The following ZNF714 variants were observed in gnomAD, a reference collection of about 807,000 sequenced individuals.
ZNF714 encodes zinc finger protein 714.
ZNF714 carries 32 observed loss-of-function variants against 46.2 expected under a neutral mutation model. The ratio of observed to expected loss-of-function variants is 0.69; its 90% CI spans 0.52 to 0.93. The LOEUF (loss-of-function observed/expected upper bound fraction) is 0.93. Ranked by LOEUF, ZNF714 falls within the 40% of genes least tolerant of loss-of-function variation. The probability of loss-of-function intolerance (pLI) is 0.00; values close to 1 mark genes in which losing one functional copy is unlikely to be tolerated. For synonymous variants in ZNF714, 199 were observed against 213.1 expected (o/e 0.93, Z 0.58); for missense variants, 635 against 646.3 (o/e 0.98, Z 0.19).
At chr19:21,084,494 T>G (rs570103748) in intron 2 of ZNF714, among the ~76,000 whole-genome samples, 83 of 151,948 alleles carry the variant, frequency 5.5e-4, no homozygotes, top group African/African-American at 1.9e-3. Context: ...GAATGGGTGC[T>G]TCTTGAGCAC....
Position 21,117,049 on chromosome 19 carries a change from A to C in ZNF714, c.385A>C (p.Ile129Leu). The C allele has an allele frequency of 6.2e-7, 1 of 1,613,180 alleles. No individual in the cohort carries two copies. Among genetic ancestry groups the C allele is most frequent in the Non-Finnish European group, 8.5e-7 (1 of 1,179,524 alleles). ...CDKYIKVFHK[I>L]FNSNRHKTRH... ...TAAATATATAAAAGTCTTTCATAAAATTTTCAATTCAAATAGACACAAGAC... is the reference window on the plus strand; with the variant it reads ...TAAATATATAAAAGTCTTTCATAAACTTTTCAATTCAAATAGACACAAGAC... Residue 129 changes from isoleucine (I) to leucine (L), a missense_variant, in exon 5 of 5, where the codon ATT becomes CTT. Physicochemically the swap from Ile to Leu is conservative, Grantham distance 5. Coordinates refer to ENST00000456283, the MANE Select transcript of ZNF714 (RefSeq NM_182515.4).
intron 2 of ZNF714, chr19:21,091,303 A>C (rs554268021): frequency 6.6e-6 from 1 of 152,124 alleles, no homozygotes; most frequent in African/African-American, 2.4e-5. Context: ...TCTCATCACC[A>C]TGTTAATTTT....
chr19:21,090,225 A>T (rs1968878188), intron 2 of ZNF714, among the ~76,000 whole-genome samples: 2 of 152,186 alleles, frequency 1.3e-5, no homozygotes, highest in South Asian at 4.1e-4. Flanking sequence ...AGAGAGAAAA[A>T]GCATTGCCTG....
rs774894771 is a variant in ZNF714, at chr19:21,117,542, C to T, written c.878C>T (p.Ala293Val). Residue 293 changes from alanine to valine, a missense_variant, in exon 5 of 5, where the codon GCT becomes GTT. By Grantham distance (64) the Ala-to-Val change is moderately conservative (BLOSUM62 0). Transcript: ENST00000456283. The stretch of plus-strand genomic sequence containing the variant: ...TACAAATGTGAAGAATGTGACAAAG[C>T]TTTTAACCGATTCTCATACCTTACT... ...KPYKCEECDKAFNRFSYLTKH... is the reference protein window; with the variant it reads ...KPYKCEECDKVFNRFSYLTKH... 3.1e-6 allele frequency: 5 copies of T among 1,606,184 alleles called. No individual in the cohort carries two copies. The highest frequency in any genetic ancestry group is 1.1e-5 in the South Asian group (1 of 90,452).
rs2144812783 is a variant in ZNF714 at position 21,082,249 on chromosome 19, T to C, written c.-276T>C. The C allele has an allele frequency of 3.9e-6, 5 of 1,285,900 alleles. No homozygotes were observed. The South Asian group carries it at 5.8e-5, about 15-fold the overall frequency. The allele number at this position is 1,285,900 out of a possible 1,614,324, so 79.7% of individuals were successfully genotyped here. A position where few individuals can be genotyped will look rare whatever the true frequency, so the allele number is the denominator to read the frequency against. Reference sequence around the variant, plus strand: ...TGCAGGTCTCGCCTTCACTGCCCTGTGTCCTCTGCTCGCAGAGGCCCAGCC... The same window carrying C: ...TGCAGGTCTCGCCTTCACTGCCCTGCGTCCTCTGCTCGCAGAGGCCCAGCC... On this transcript the variant is annotated 5_prime_UTR_variant, in exon 1 of 5. Coordinates refer to ENST00000456283, the MANE Select transcript of ZNF714 (RefSeq NM_182515.4).
chr19:21,092,706 G>A (rs1278918228), intron 2 of ZNF714, among the ~76,000 whole-genome samples: 1 of 152,026 alleles, frequency 6.6e-6, no homozygotes, highest in Non-Finnish European at 1.5e-5. Context: ...ACACCAAACA[G>A]GTACATTTTC....
intron 4 of ZNF714, among the ~76,000 whole-genome samples, chr19:21,101,381 T>TTA (rs1199153317): frequency 6.6e-6 from 1 of 152,164 alleles, no homozygotes; most frequent in Admixed American, 6.5e-5. Context: ...GCATCCACCT[T>TTA]TAGATGGTTT....
Position 21,120,040 on chromosome 19 carries a change from T to C in ZNF714, c.*1708T>C, listed in dbSNP as rs2144885740. ...ATCAAAGATATGAAAGATTCTTTCT[T>C]TGTTTTGTTCTGTTTTTTTGAGATG... is the stretch of plus-strand genomic sequence containing the variant. On this transcript the variant is annotated 3_prime_UTR_variant, in exon 5 of 5. Coordinates refer to ENST00000456283, the MANE Select transcript of ZNF714 (RefSeq NM_182515.4). 1 of 152,300 alleles carries C rather than the reference T, an allele frequency of 6.6e-6. No homozygotes were observed. Among genetic ancestry groups the C allele is most frequent in the East Asian group, 1.9e-4 (1 of 5,180 alleles). The allele number at this position is 152,300 out of a possible 1,614,324, so 9.4% of individuals were successfully genotyped here.
At chr19:21,088,403 T>C (rs879700991) in intron 2 of ZNF714, among the ~76,000 whole-genome samples, 1 of 152,202 alleles carries the variant, frequency 6.6e-6, no homozygotes, top group Non-Finnish European at 1.5e-5. Flanking sequence ...TAATTCCATA[T>C]GTCCCAAGGC....
At position 21,119,077 on chromosome 19, in the gene ZNF714, T is replaced by G. The variant is rs1969665190; in HGVS notation, c.*745T>G. ...TAGTTCATACTTAATAAAAGCATTATAAGTACAATTACTGTCAAAAGACCT... is the reference window on the plus strand; with the variant it reads ...TAGTTCATACTTAATAAAAGCATTAGAAGTACAATTACTGTCAAAAGACCT... On this transcript the variant is annotated 3_prime_UTR_variant, in exon 5 of 5. Coordinates refer to ENST00000456283, the MANE Select transcript of ZNF714 (RefSeq NM_182515.4). 6.7e-6 allele frequency: 3 copies of G among 449,454 alleles called. No individual in the cohort carries two copies. The Admixed American group carries it at 7.3e-5, about 11-fold the overall frequency. 27.8% of individuals were successfully genotyped at this position (449,454 alleles called of 1,614,324 possible). A position where few individuals can be genotyped will look rare whatever the true frequency, so the allele number is the denominator to read the frequency against.
Position 21,117,236 on chromosome 19 carries a change from A to G in ZNF714, c.572A>G (p.His191Arg). The change falls in exon 5 of 5, where the codon CAC becomes CGC. Residue 191 changes from histidine to arginine, a missense_variant. Physicochemically the swap from His to Arg is conservative, Grantham distance 29. Transcript: ENST00000456283. ...AAGCGGTTCTCAACCCTTACTAGAC[A>G]CAAGAGAGTTCATACTGGAGAGAAA... Reference protein sequence around the residue: ...VFKRFSTLTRHKRVHTGEKPF... With the variant: ...VFKRFSTLTRRKRVHTGEKPF... The G allele has an allele frequency of 6.2e-7, 1 of 1,614,094 alleles. No homozygotes were observed. Among genetic ancestry groups the G allele is most frequent in the Non-Finnish European group, 8.5e-7 (1 of 1,179,962 alleles).
intron 4 of ZNF714, among the ~76,000 whole-genome samples, chr19:21,115,364 TATG>T (rs1268443064): frequency 1.1e-4 from 16 of 151,990 alleles, no homozygotes; most frequent in African/African-American, 3.9e-4. Flanking sequence ...AATGTATTTA[TATG>T]ATAAAATTAT....
rs954025835 is a variant in ZNF714, at chr19:21,121,954, T to A, written c.*3622T>A. ...TGAAATTTAGTGCACACAAAATAAT[T>A]TTTAGATGTAATTCCAAAAGTAGTG... On this transcript the variant is annotated 3_prime_UTR_variant, in exon 5 of 5. Transcript: ENST00000456283. 7 of 152,182 alleles carry A rather than the reference T, an allele frequency of 4.6e-5. No homozygotes were observed. Among genetic ancestry groups the A allele is most frequent in the Admixed American group, 4.6e-4 (7 of 15,274 alleles). 9.4% of individuals were successfully genotyped at this position (152,182 alleles called of 1,614,324 possible). A position where few individuals can be genotyped will look rare whatever the true frequency, so the allele number is the denominator to read the frequency against.
chr19:21,104,262 A>AT (rs1969259315), intron 4 of ZNF714, among the ~76,000 whole-genome samples: 1 of 151,948 alleles, frequency 6.6e-6, no homozygotes, highest in African/African-American at 2.4e-5. Flanking sequence ...TATATGTTAC[A>AT]TTTTTTATGT....
intron 2 of ZNF714, among the ~76,000 whole-genome samples, chr19:21,090,213 A>G (rs1456751406): frequency 1.3e-5 from 2 of 152,186 alleles, no homozygotes; most frequent in East Asian, 1.9e-4. Flanking sequence ...AAGAAAGGGA[A>G]AAGAGAGAAA....
chr19:21,120,214 A>G lies in ZNF714; in HGVS notation c.*1882A>G, dbSNP rs924986597. ...ATATCACCACGCCCAGCTAATTTTT[A>G]TGTTTCTAGTACAGACAGGATTTCA... On this transcript the variant is annotated 3_prime_UTR_variant, in exon 5 of 5. Coordinates refer to ENST00000456283, the MANE Select transcript of ZNF714 (RefSeq NM_182515.4). The G allele has an allele frequency of 3.3e-5, 5 of 151,830 alleles. No homozygotes were observed. The highest frequency in any genetic ancestry group is 1.2e-4 in the African/African-American group (5 of 41,320). 9.4% of individuals were successfully genotyped at this position (151,830 alleles called of 1,614,324 possible).
Position 21,117,280 on chromosome 19 carries a change from T to C in ZNF714, c.616T>C (p.Cys206Arg), listed in dbSNP as rs1435251142. Reference sequence around the variant, plus strand: ...AGAGAAACCCTTCAAATGTGAAGAATGTGGCAAAGCTTTTAAGCACTCCTC... The same window carrying C: ...AGAGAAACCCTTCAAATGTGAAGAACGTGGCAAAGCTTTTAAGCACTCCTC... Reference protein sequence around the residue: ...TGEKPFKCEECGKAFKHSSTL... With the variant: ...TGEKPFKCEERGKAFKHSSTL... Residue 206 changes from cysteine to arginine, a missense_variant, in exon 5 of 5, where the codon TGT becomes CGT. By Grantham distance (180) the Cys-to-Arg change is radical (BLOSUM62 -3). Transcript: ENST00000456283. The C allele has an allele frequency of 4.3e-6, 7 of 1,613,864 alleles. No individual in the cohort carries two copies. Among genetic ancestry groups the C allele is most frequent in the Non-Finnish European group, 5.1e-6 (6 of 1,179,934 alleles).
rs879166010 is a variant in ZNF714, at chr19:21,117,887, A to C, written c.1223A>C (p.Gln408Pro). 2.2e-5 allele frequency: 36 copies of C among 1,612,434 alleles called. No individual in the cohort carries two copies. Among genetic ancestry groups the C allele is most frequent in the Non-Finnish European group, 2.9e-5 (34 of 1,179,800 alleles). ...GAAGAATGTGGCAAAGCTTTTAACC[A>C]ATCCTCAAACCTTACCAAACATAAG... Reference protein sequence around the residue: ...KCEECGKAFNQSSNLTKHKII... With the variant: ...KCEECGKAFNPSSNLTKHKII... The change falls in exon 5 of 5, where the codon CAA becomes CCA. Residue 408 changes from glutamine (Q) to proline (P), a missense_variant. Gln to Pro is a moderately conservative substitution (Grantham distance 76, BLOSUM62 -1). Coordinates refer to ENST00000456283, the MANE Select transcript of ZNF714 (RefSeq NM_182515.4).
Position 21,105,676 on chromosome 19 carries a change from C to T in ZNF714, c.142+6766C>T, listed in dbSNP as rs1969293378. On this transcript the variant is annotated intron_variant, in intron 4 of 4. Transcript: ENST00000456283. ...CATTTTATTTGAAATATTTTTTGGCCAGGCGCAGTGGCTCATGCCTATAAT... is the reference window on the plus strand; with the variant it reads ...CATTTTATTTGAAATATTTTTTGGCTAGGCGCAGTGGCTCATGCCTATAAT... 1.3e-5 allele frequency among the ~76,000 whole-genome samples: 2 copies of T among 151,770 alleles called. 1 individual carries two copies. Among genetic ancestry groups the T allele is most frequent in the South Asian group, 4.2e-4 (2 of 4,806 alleles).
Sources: gnomAD v4.1 joint callset for allele counts (sites outside exome capture counted in the v4.1 genomes callset) on GRCh38, gnomAD v4.1.1 for gene constraint, MANE v1.5 for transcripts, NCBI Gene and HGNC (gene_info 2026-07-23, HGNC 2026-07-21) for gene names.